Variants in GRIPAP1 observed in about 807,000 individuals in gnomAD.
GRIPAP1 encodes the protein GRIP1 associated protein 1, also known as GRIP1-associated protein 1.
Under a neutral mutation model 84.1 loss-of-function variants are expected in GRIPAP1, and 14 were observed. That is an observed-to-expected ratio of 0.17 (90% CI 0.11 to 0.26). The LOEUF (loss-of-function observed/expected upper bound fraction) is 0.26. GRIPAP1 is among the 10% of genes least tolerant of loss of function. GRIPAP1 has a pLI of 1.00. For synonymous variants in GRIPAP1, 261 were observed against 256.8 expected (o/e 1.02, Z -0.15); for missense variants, 518 against 674.2 (o/e 0.77, Z 2.57).
intron 12 of GRIPAP1, 66 bp downstream of exon 12, chrX:48,988,055 G>A (rs2064501454): frequency 3.4e-6 from 3 of 889,136 alleles, no homozygotes; most frequent in South Asian, 4.3e-5. Context: ...GCCTGACTAT[G>A]TAGTACCCAC....
intron 13 of GRIPAP1, among the ~76,000 whole-genome samples, chrX:48,987,361 C>A (rs1015435609): frequency 6.0e-4 from 62 of 103,956 alleles, no homozygotes; most frequent in South Asian, 4.5e-4. Context: ...GTTGCCCAGG[C>A]TGGTCTTGAA....
At chrX:48,999,683 C>T (rs182224887) in intron 1 of GRIPAP1, among the ~76,000 whole-genome samples, 179 bp from the exon 2 acceptor site, 16 of 110,899 alleles carry the variant, frequency 1.4e-4, no homozygotes, top group Non-Finnish European at 3.0e-4. Flanking sequence ...GACCCTGGCT[C>T]ACCTTTTCCA....
Position 48,974,245 on chromosome X carries a change from T to C in GRIPAP1, c.2474A>G (p.Lys825Arg). 1 of 1,208,693 alleles carries C rather than the reference T, an allele frequency of 8.3e-7. No homozygotes were observed. The highest frequency in any genetic ancestry group is 1.1e-6 in the Non-Finnish European group (1 of 892,762). The change falls in exon 26 of 26, where the codon AAG (lysine) becomes AGG (arginine). Residue 825 changes from lysine (K) to arginine (R), a missense_variant. Lys to Arg is a conservative substitution (Grantham distance 26, BLOSUM62 2). Transcript: ENST00000376423. ...TGGGTCAGGAGGCCCCACGCACTCC[T>C]TGCTGAGCCGCACAATTTCCTGGGA... ...VLSQEIVRLS[K>R]ECVGPPDPDL... is the part of the protein sequence containing the mutation.
rs1170252898 is a variant in GRIPAP1, at chrX:48,989,932, C to T, written c.722+40G>A. 2.5e-6 allele frequency: 3 copies of T among 1,197,878 alleles called. No homozygotes were observed. The East Asian group carries it at 8.9e-5, about 35-fold the overall frequency. Reference sequence around the variant, plus strand: ...ATGGGTCAGTTCCGTAAGTTAATTCCCCCCTCGGCCCCCAGTACCCTTGGG... The same window carrying T: ...ATGGGTCAGTTCCGTAAGTTAATTCTCCCCTCGGCCCCCAGTACCCTTGGG... On this transcript the variant is annotated intron_variant, in intron 9 of 25. Transcript: ENST00000376423.
chrX:48,983,340 T>C lies in GRIPAP1; in HGVS notation c.1373A>G (p.His458Arg), dbSNP rs2064468379. The part of the protein sequence containing the change: ...KEELGAVRLR[H>R]EKEVLGVRAR... ...ACGCACCCCCAGCACCTCCTTCTCA[T>C]GCCGTAGACGAACTGCTCCCAGCTC... The change falls in exon 16 of 26, where the codon CAT becomes CGT. Residue 458 changes from histidine to arginine, a missense_variant. Transcript: ENST00000376423. The C allele has an allele frequency of 8.3e-7, 1 of 1,210,373 alleles. No individual in the cohort carries two copies.
intron 5 of GRIPAP1, among the ~76,000 whole-genome samples, chrX:48,996,327 C>T (rs781785241): frequency 1.4e-4 from 16 of 111,979 alleles, no homozygotes; most frequent in Admixed American, 2.8e-4. Flanking sequence ...ATTTTTGGGC[C>T]GGGCGCGGTG....
chrX:48,976,825 G>GT (rs1384790662), intron 22 of GRIPAP1: 1 of 113,944 alleles, frequency 8.8e-6, no homozygotes, highest in Non-Finnish European at 1.8e-5. Context: ...CTGAATGCTA[G>GT]TTTTCATAAA....
At chrX:49,000,472 C>T (rs1557068254) in intron 1 of GRIPAP1, 1 of 105,302 alleles carries the variant, frequency 9.5e-6, no homozygotes, top group South Asian at 4.6e-4. Flanking sequence ...GGGCAGATCA[C>T]TTGAGGTCAG....
Position 48,981,581 on chromosome X carries a change from G to A in GRIPAP1, c.1773+15C>T, listed in dbSNP as rs199807602. 3.2e-5 allele frequency: 38 copies of A among 1,181,002 alleles called. 1 individual carries two copies. In the Admixed American group the frequency reaches 7.0e-4, roughly 22 times the overall value. On this transcript the variant is annotated intron_variant, in intron 19 of 25. Coordinates refer to ENST00000376423, the MANE Select transcript of GRIPAP1 (RefSeq NM_020137.5). ...GGATCAGGGGTGTGTCTGGGGCTGT[G>A]CAGTGACCACTGACCTGCTTCAGGC...
In GRIPAP1 at chrX:48,984,793, C is replaced by T. The variant is rs782741274; in HGVS notation, c.1176+475G>A. Among the ~76,000 whole-genome samples, 15 of 102,126 alleles carry T rather than the reference C, an allele frequency of 1.5e-4. No homozygotes were observed. The South Asian group carries it at 2.2e-3, about 15-fold the overall frequency. The allele number at this position is 102,126 out of a possible 115,157, so 88.7% of individuals were successfully genotyped here. Reference sequence around the variant, plus strand: ...ATACCAGCACTTCGGGAGGCCGAGGCGGGCAGATCACGAGGTCAGGAGATC... The same window carrying T: ...ATACCAGCACTTCGGGAGGCCGAGGTGGGCAGATCACGAGGTCAGGAGATC... On this transcript the variant is annotated intron_variant, in intron 14 of 25. Transcript: ENST00000376423.
intron 6 of GRIPAP1, 63 bp from the exon 7 acceptor site, chrX:48,991,173 C>T (rs782805187): frequency 6.0e-6 from 5 of 827,676 alleles, no homozygotes; most frequent in East Asian, 6.4e-5. Flanking sequence ...TGCCATGCCT[C>T]GAATAGAGGG....
intron 6 of GRIPAP1, 71 bp from the exon 7 acceptor site, chrX:48,991,181 G>T: frequency 1.3e-6 from 1 of 767,771 alleles, no homozygotes; most frequent in East Asian, 3.3e-5. Flanking sequence ...CTCGAATAGA[G>T]GGAGAACTGG....
rs782456517 is a variant in GRIPAP1 at position 48,993,493 on chromosome X, G to A, written c.392C>T (p.Pro131Leu). The change falls in exon 6 of 26, where the codon CCC becomes CTC. Residue 131 changes from proline (P) to leucine (L), a missense_variant. By Grantham distance (98) the Pro-to-Leu change is moderately conservative. Around this residue, in one of 5 missense-constraint regions of GRIPAP1, gnomAD observed 372 missense variants for 458.1 expected, o/e 0.81. Transcript: ENST00000376423. Reference protein sequence around the residue: ...AAGAGVAQAGPLVDGELLRLQ... With the variant: ...AAGAGVAQAGLLVDGELLRLQ... Reference sequence around the variant, plus strand: ...CCTCAGCAGCTCCCCATCCACGAGGGGCCCAGCTTGGGCAACCCCTGCTCC... The same window carrying A: ...CCTCAGCAGCTCCCCATCCACGAGGAGCCCAGCTTGGGCAACCCCTGCTCC... The A allele has an allele frequency of 2.5e-6, 3 of 1,189,321 alleles. No homozygotes were observed. Among genetic ancestry groups the A allele is most frequent in the Admixed American group, 4.6e-5 (2 of 43,071 alleles).
chrX:48,985,827 G>T (rs1048095753), intron 13 of GRIPAP1, among the ~76,000 whole-genome samples: 29 of 110,859 alleles, frequency 2.6e-4, no homozygotes, highest in African/African-American at 9.2e-4. Flanking sequence ...TTTGATCTGG[G>T]TGGTGGCTAT....
intron 13 of GRIPAP1, among the ~76,000 whole-genome samples, chrX:48,986,031 A>G (rs1557063651): frequency 1.8e-5 from 2 of 109,510 alleles, no homozygotes; most frequent in African/African-American, 6.7e-5. Flanking sequence ...TCATGAGGTC[A>G]GGAGTTCGAG....
chrX:49,000,309 G>A (rs782672464), intron 1 of GRIPAP1, among the ~76,000 whole-genome samples: 28 of 89,930 alleles, frequency 3.1e-4, no homozygotes, highest in African/African-American at 9.9e-4. Context: ...AGGTTGCAGT[G>A]AGCCGAGATT....
chrX:48,985,326 T>C lies in GRIPAP1; in HGVS notation c.1118A>G (p.Gln373Arg), dbSNP rs1557063445. The change falls in exon 14 of 26, where the codon CAG (glutamine) becomes CGG (arginine). Residue 373 changes from glutamine (Q) to arginine (R), a missense_variant. Transcript: ENST00000376423. ...TTGLAAELQQ[Q>R]QAEYEDLMGQ... ...CATAAGGTCCTCGTACTCAGCCTGC[T>C]GCTGCTGCAACTCAGCTGCCAGCCC... 1 of 1,205,182 alleles carries C rather than the reference T, an allele frequency of 8.3e-7. No homozygotes were observed.
chrX:48,979,274 G>A (rs901643054), intron 21 of GRIPAP1, among the ~76,000 whole-genome samples: 4 of 107,889 alleles, frequency 3.7e-5, no homozygotes, highest in African/African-American at 1.4e-4. Flanking sequence ...TCAGGAGATC[G>A]AGACCATCCT....
intron 22 of GRIPAP1, chrX:48,978,035 C>T (rs1569519214): frequency 7.1e-6 from 2 of 281,546 alleles, no homozygotes; most frequent in Non-Finnish European, 1.3e-5. Context: ...TTGGATGGTG[C>T]ACCTACTATG....
Sources: gnomAD v4.1 joint callset for allele counts (sites outside exome capture counted in the v4.1 genomes callset) on GRCh38, gnomAD v4.1.1 for gene constraint, gnomAD v4.1.1 regional missense constraint, MANE v1.5 for transcripts, NCBI Gene and HGNC (gene_info 2026-07-23, HGNC 2026-07-21) for gene names.